The following ATP13A5 variants were observed in gnomAD, a reference collection of about 807,000 sequenced individuals.
ATP13A5 encodes ATPase 13A5, also known as probable cation-transporting ATPase 13A5.
Under a neutral mutation model 150.2 loss-of-function variants are expected in ATP13A5, and 149 were observed. That is an observed-to-expected ratio of 0.99 (90% CI 0.87 to 1.14). ATP13A5 has a LOEUF of 1.14. Ranked by LOEUF, ATP13A5 falls within the 50% of genes most tolerant of loss-of-function variation. The probability of loss-of-function intolerance (pLI) is 0.00; values close to 1 mark genes in which losing one functional copy is unlikely to be tolerated. For synonymous variants in ATP13A5, 497 were observed against 522.2 expected, an observed-to-expected ratio of 0.95 and a Z score of 0.66; for missense variants, 1,383 against 1,449.3, an observed-to-expected ratio of 0.95 and a Z score of 0.74.
chr3:193,351,257 G>T (rs1463025215), intron 6 of ATP13A5, 56 bp from the exon 7 acceptor site: 1 of 1,586,764 alleles, frequency 6.3e-7, no homozygotes, highest in African/African-American at 1.4e-5. Flanking sequence ...TAGCAATCAA[G>T]AAGATGTCAT....
chr3:193,367,405 T>A (rs540469151), intron 1 of ATP13A5, among the ~76,000 whole-genome samples: 1 of 152,022 alleles, frequency 6.6e-6, no homozygotes, highest in Non-Finnish European at 1.5e-5. Flanking sequence ...TTTGAAATAT[T>A]TAAGATAGAA....
intron 1 of ATP13A5, among the ~76,000 whole-genome samples, chr3:193,364,677 A>T (rs1713176088): frequency 6.6e-6 from 1 of 152,244 alleles, no homozygotes; most frequent in Non-Finnish European, 1.5e-5. Flanking sequence ...ATATGAATTT[A>T]TTGTAGGAAG....
intron 15 of ATP13A5, 89 bp from the exon 16 acceptor site, chr3:193,321,926 A>G: frequency 7.1e-7 from 1 of 1,401,188 alleles, no homozygotes; most frequent in East Asian, 2.3e-5. Context: ...CTGTGCAATG[A>G]GCCCAGAGAC....
chr3:193,281,978 G>A (rs943986326), intron 27 of ATP13A5, among the ~76,000 whole-genome samples: 6 of 151,958 alleles, frequency 3.9e-5, no homozygotes, highest in Non-Finnish European at 7.4e-5. Context: ...GGTGGATCAC[G>A]AGGTCAGGAG....
chr3:193,344,905 G>T, intron 8 of ATP13A5, 98 bp downstream of exon 8: 1 of 1,253,132 alleles, frequency 8.0e-7, no homozygotes, highest in Non-Finnish European at 1.2e-6. Flanking sequence ...GGTTCAATCT[G>T]AAAAGATTAT....
chr3:193,279,619 GAAGGT>G (rs1439286924), intron 27 of ATP13A5, among the ~76,000 whole-genome samples, 165 bp from the exon 28 acceptor site: 1 of 152,142 alleles, frequency 6.6e-6, no homozygotes, highest in African/African-American at 2.4e-5. Flanking sequence ...CTTATAAGAT[GAAGGT>G]AATATCTTAG....
chr3:193,358,082 A>G (rs1037881081), intron 5 of ATP13A5, among the ~76,000 whole-genome samples: 3 of 151,762 alleles, frequency 2.0e-5, no homozygotes, highest in Admixed American at 2.0e-4. Flanking sequence ...AAGGAAGGGC[A>G]TGTTAGAATT....
In ATP13A5 at chr3:193,319,017, A is replaced by G; in HGVS notation, c.2007T>C (p.Asn669=). ...TGGCTAAGTGCTCGACTTCTGAAAGATTCCCCATCTTTAAGGTTTTGTGGG... is the reference window on the plus strand; with the variant it reads ...TGGCTAAGTGCTCGACTTCTGAAAGGTTCCCCATCTTTAAGGTTTTGTGGG... ...ALAHKTLKMG[N]LSEVEHLARE... The change falls in exon 17 of 30, where the codon AAT becomes AAC. Residue 669 remains asparagine, a synonymous_variant. Transcript: ENST00000342358. 1 of 1,613,856 alleles carries G rather than the reference A, an allele frequency of 6.2e-7. No individual in the cohort carries two copies. Among genetic ancestry groups the G allele is most frequent in the East Asian group, 2.2e-5 (1 of 44,866 alleles).
chr3:193,363,595 C>G (rs747308676), intron 2 of ATP13A5, among the ~76,000 whole-genome samples: 1 of 152,118 alleles, frequency 6.6e-6, no homozygotes, highest in Non-Finnish European at 1.5e-5. Flanking sequence ...TCAATGAGCC[C>G]TCCAGATGAT....
intron 16 of ATP13A5, among the ~76,000 whole-genome samples, chr3:193,321,284 C>A (rs56940293): frequency 0.096 from 14,565 of 152,194 alleles, 1,075 homozygotes; most frequent in African/African-American, 0.2. Flanking sequence ...ACCCAGGAAA[C>A]AAGCAGCTCC....
At chr3:193,353,401 C>G (rs1386117116) in intron 6 of ATP13A5, among the ~76,000 whole-genome samples, 1 of 151,820 alleles carries the variant, frequency 6.6e-6, no homozygotes, top group Non-Finnish European at 1.5e-5. Context: ...AGAAGTTACT[C>G]TCAAGAAAAT....
intron 27 of ATP13A5, chr3:193,281,285 T>C: frequency 1.3e-6 from 1 of 788,334 alleles, no homozygotes; most frequent in Non-Finnish European, 1.5e-6. Flanking sequence ...CAACTGGGGC[T>C]GAGTGGGGTG....
chr3:193,366,356 A>C (rs1209536616), intron 1 of ATP13A5, among the ~76,000 whole-genome samples: 1 of 152,056 alleles, frequency 6.6e-6, no homozygotes, highest in Non-Finnish European at 1.5e-5. Flanking sequence ...TACAAGAGAC[A>C]CACTTTAAAC....
intron 5 of ATP13A5, among the ~76,000 whole-genome samples, chr3:193,356,280 A>C (rs1356906413): frequency 1.3e-5 from 2 of 152,156 alleles, no homozygotes; most frequent in Non-Finnish European, 2.9e-5. Flanking sequence ...AGTTTGCAAA[A>C]AAAAAAAAGA....
chr3:193,364,293 T>C lies in ATP13A5; in HGVS notation c.64-13A>G. The C allele has an allele frequency of 6.2e-7, 1 of 1,601,218 alleles. No homozygotes were observed. On this transcript the variant is annotated splice_polypyrimidine_tract_variant and intron_variant, in intron 1 of 29. Coordinates refer to ENST00000342358, the MANE Select transcript of ATP13A5 (RefSeq NM_198505.4). The stretch of plus-strand genomic sequence containing the variant: ...AACCAAACACCTCCTGGAGAATAAA[T>C]TTAAAAGATCGCTCTATTTTTCTTT...
At chr3:193,280,207 T>C (rs1717422053) in intron 27 of ATP13A5, among the ~76,000 whole-genome samples, 1 of 151,996 alleles carries the variant, frequency 6.6e-6, no homozygotes, top group Non-Finnish European at 1.5e-5. Flanking sequence ...CCCACCACCA[T>C]GCATGGCTAA....
intron 1 of ATP13A5, among the ~76,000 whole-genome samples, chr3:193,371,539 G>A (rs1713440903): frequency 6.6e-6 from 1 of 152,206 alleles, no homozygotes; most frequent in South Asian, 2.1e-4. Flanking sequence ...TGCTCCTTCT[G>A]GAGCTAAGAG....
chr3:193,279,565 G>A, intron 27 of ATP13A5, 111 bp from the exon 28 acceptor site: 1 of 757,980 alleles, frequency 1.3e-6, no homozygotes, highest in Non-Finnish European at 2.3e-6. Flanking sequence ...TATATCTTCA[G>A]ATGTTTTGAT....
chr3:193,351,572 C>T (rs928404812), intron 6 of ATP13A5, among the ~76,000 whole-genome samples: 4 of 152,164 alleles, frequency 2.6e-5, no homozygotes, highest in Admixed American at 2.6e-4. Context: ...CCATTTGGAA[C>T]AGTTTAATTG....
Sources: allele counts gnomAD v4.1 joint callset (sites outside exome capture counted in the v4.1 genomes callset), GRCh38; gene constraint gnomAD v4.1.1; transcripts MANE v1.5; gene names NCBI Gene and HGNC (gene_info 2026-07-23, HGNC 2026-07-21).